The following DOCK9 variants were observed in gnomAD, a reference collection of about 807,000 sequenced individuals.
DOCK9 encodes dedicator of cytokinesis 9.
In DOCK9, 89 loss-of-function variants were observed where a neutral mutation model predicts 263.3. That is an observed-to-expected ratio of 0.34 (90% CI 0.28 to 0.40). The LOEUF is 0.40. Ranked by LOEUF, DOCK9 falls within the 10% of genes least tolerant of loss-of-function variation. The pLI, the probability that DOCK9 is intolerant of heterozygous loss-of-function variation, is 1.00. For missense variants in DOCK9, 2,140 were observed against 2,603.4 expected (o/e 0.82, Z 3.87); for synonymous variants, 976 against 973.1 (o/e 1.00, Z -0.06).
In DOCK9 at chr13:98,939,627, C is replaced by G. The variant is rs73564804; in HGVS notation, c.244-9370G>C. On this transcript the variant is annotated intron_variant, in intron 2 of 52. Transcript: ENST00000682017. ...CAATATGCAGAGCTCAGGAGACGGA[C>G]GGACCTGGATGCAGCCAAAAAGCAA... Among the ~76,000 whole-genome samples, 775 of 152,298 alleles carry G rather than the reference C, an allele frequency of 5.1e-3. 7 individuals are homozygous for G. Among genetic ancestry groups the G allele is most frequent in the African/African-American group, 0.017 (714 of 41,562 alleles).
intron 34 of DOCK9, chr13:98,854,789 G>C (rs1210553722): frequency 6.6e-6 from 1 of 152,180 alleles, no homozygotes; most frequent in African/African-American, 2.4e-5. Flanking sequence ...AATACGTCAT[G>C]ACACACCCAA....
upstream of DOCK9, chr13:98,978,176 A>G (rs752934739): frequency 3.2e-5 from 37 of 1,171,428 alleles, no homozygotes; most frequent in Non-Finnish European, 4.0e-5. Context: ...CAAGCTGAAC[A>G]ATACACAGTG....
rs71114576 is a variant in DOCK9 at position 99,060,062 on chromosome 13, C to CTTTTTTTTTTTT, written c.129+26149_129+26160dup. ...AGTTACAGACATTTGATTGTTTCTA[C>CTTTTTTTTTTTT]TTTTTTTTTTTTTTTTTTTTTTTTT... On this transcript the variant is annotated intron_variant, in intron 1 of 32. Coordinates refer to the DOCK9 transcript ENST00000427887. Among the ~76,000 whole-genome samples, 33 of 61,458 alleles carry CTTTTTTTTTTTT rather than the reference C, an allele frequency of 5.4e-4. 8 individuals are homozygous for CTTTTTTTTTTTT. Among genetic ancestry groups the CTTTTTTTTTTTT allele is most frequent in the African/African-American group, 2.5e-3 (31 of 12,596 alleles). 40.3% of individuals were successfully genotyped at this position (61,458 alleles called of 152,430 possible).
chr13:99,053,782 C>T (rs1286631640), intron 1 of DOCK9, among the ~76,000 whole-genome samples: 1 of 152,144 alleles, frequency 6.6e-6, no homozygotes, highest in Non-Finnish European at 1.5e-5. Flanking sequence ...GGCCTGGGCC[C>T]ATCAGATAGC....
intron 28 of DOCK9, 85 bp from the exon 29 acceptor site, chr13:98,868,096 G>A (rs1435788550): frequency 6.5e-7 from 1 of 1,531,156 alleles, no homozygotes; most frequent in Non-Finnish European, 9.0e-7. Context: ...TTGCTAATAA[G>A]TTTATCCACT....
rs1303411024 is a variant in DOCK9 at position 98,831,741 on chromosome 13, C to CTT, written c.4358_4359dup (p.Val1454LysfsTer19). On this transcript the variant is annotated frameshift_variant, in exon 40 of 53. Coordinates refer to ENST00000682017, the MANE Select transcript of DOCK9 (RefSeq NM_001366683.2). LOFTEE classifies it high-confidence loss of function. ...AGAAAACACAGGTAGACATCAAAAA[C>CTT]TTTTTTCATGAGAGGATTATGTCCA... 1 of 1,613,826 alleles carries CTT rather than the reference C, an allele frequency of 6.2e-7. No homozygotes were observed. The highest frequency in any genetic ancestry group is 1.7e-5 in the Admixed American group (1 of 59,988).
Position 98,940,698 on chromosome 13 carries a change from T to C in DOCK9, c.244-10441A>G, listed in dbSNP as rs2055685758. On this transcript the variant is annotated intron_variant, in intron 2 of 52. Transcript: ENST00000682017. ...GGGGGGCCTTCTCTGCCTCTCTAAC[T>C]GCTCCTCTTCACTGGCACCTGCATG... is the stretch of plus-strand genomic sequence containing the variant. Among the ~76,000 whole-genome samples the C allele has an allele frequency of 3.4e-5, 3 of 88,098 alleles. No individual in the cohort carries two copies. The South Asian group carries it at 1.2e-3, about 36-fold the overall frequency. The allele number at this position is 88,098 out of a possible 152,430, so 57.8% of individuals were successfully genotyped here. A position where few individuals can be genotyped will look rare whatever the true frequency, so the allele number is the denominator to read the frequency against.
intron 1 of DOCK9, among the ~76,000 whole-genome samples, chr13:98,986,040 T>G (rs932201101): frequency 6.6e-6 from 1 of 152,244 alleles, no homozygotes; most frequent in South Asian, 2.1e-4. Flanking sequence ...TGATCAAAAC[T>G]TTTTAAAAAG....
At chr13:98,898,090 T>C in intron 14 of DOCK9, 89 bp downstream of exon 14, 6 of 900,312 alleles carry the variant, frequency 6.7e-6, no homozygotes, top group Non-Finnish European at 1.0e-5. Context: ...CAAATCCTCT[T>C]TGTCTCTGAA....
chr13:98,848,025 T>A (rs2093441505), intron 37 of DOCK9, among the ~76,000 whole-genome samples: 2 of 152,250 alleles, frequency 1.3e-5, no homozygotes, highest in South Asian at 4.1e-4. Flanking sequence ...ACCAGGGAGT[T>A]CTGGCCAAGA....
At chr13:98,867,887 T>C (rs368023171) in intron 29 of DOCK9, 41 bp downstream of exon 29, 10 of 1,529,876 alleles carry the variant, frequency 6.5e-6, no homozygotes, top group Non-Finnish European at 9.0e-6. Context: ...AGAGAAAGGC[T>C]ACATGGTGAC....
At chr13:99,028,234 A>G (rs988425418) in intron 1 of DOCK9, among the ~76,000 whole-genome samples, 1 of 152,208 alleles carries the variant, frequency 6.6e-6, no homozygotes, top group African/African-American at 2.4e-5. Context: ...CTTAGCCAAG[A>G]GGCCAGTGAG....
intron 49 of DOCK9, among the ~76,000 whole-genome samples, chr13:98,803,482 G>A (rs991073503): frequency 6.6e-6 from 1 of 152,204 alleles, no homozygotes; most frequent in Non-Finnish European, 1.5e-5. Flanking sequence ...GCTGGGCCCC[G>A]CCCCCAGAGT....
intron 2 of DOCK9, among the ~76,000 whole-genome samples, chr13:98,937,493 A>C (rs6491469): frequency 6.6e-6 from 1 of 152,000 alleles, no homozygotes; most frequent in Admixed American, 6.5e-5. Flanking sequence ...TTTTCAGTCA[A>C]TATTATTACT....
chr13:99,030,644 C>T (rs1222038290), intron 1 of DOCK9, among the ~76,000 whole-genome samples: 1 of 152,194 alleles, frequency 6.6e-6, no homozygotes, highest in Non-Finnish European at 1.5e-5. Flanking sequence ...TTAGGAATGC[C>T]TCTTAATAGT....
In DOCK9 at chr13:98,862,976, G is replaced by A. The variant is rs199666071; in HGVS notation, c.3579+43C>T. ...TATGGCGCTTTGTCCTGGCTTCCCC[G>A]GGACCTGATATAGGCTGAGTTAATG... On this transcript the variant is annotated intron_variant, in intron 32 of 52. Transcript: ENST00000682017. 798 of 1,527,358 alleles carry A rather than the reference G, an allele frequency of 5.2e-4. 7 individuals are homozygous for A. In the Admixed American group the frequency reaches 0.015, roughly 28 times the overall value. 94.6% of individuals were successfully genotyped at this position (1,527,358 alleles called of 1,614,324 possible). A position where few individuals can be genotyped will look rare whatever the true frequency, so the allele number is the denominator to read the frequency against.
chr13:98,891,274 G>C lies in DOCK9; in HGVS notation c.1710-2563C>G, dbSNP rs9513506. On this transcript the variant is annotated intron_variant, in intron 15 of 52. Transcript: ENST00000682017. ...ACCTTCAGACAGGGGGTTTTATGAA[G>C]GTATCAATTTTCTTGACATACGGTG... Among the ~76,000 whole-genome samples, 1,324 of 152,218 alleles carry C rather than the reference G, an allele frequency of 8.7e-3. 18 individuals carry two copies. The highest frequency in any genetic ancestry group is 0.054 in the Middle Eastern group (16 of 294).
At chr13:98,850,457 C>G (rs1377945932) in intron 35 of DOCK9, among the ~76,000 whole-genome samples, 1 of 152,214 alleles carries the variant, frequency 6.6e-6, no homozygotes, top group African/African-American at 2.4e-5. Context: ...TAAAGCCGGG[C>G]TCTCTTGTCT....
intron 27 of DOCK9, among the ~76,000 whole-genome samples, chr13:98,872,408 G>GT (rs2094211191): frequency 1.9e-5 from 2 of 105,908 alleles, no homozygotes; most frequent in South Asian, 3.2e-4. Context: ...TTTTGTTTTT[G>GT]TTTTTTGTTT....
Sources: gnomAD v4.1 joint callset for allele counts (sites outside exome capture counted in the v4.1 genomes callset) on GRCh38, gnomAD v4.1.1 for gene constraint, MANE v1.5 for transcripts, NCBI Gene and HGNC (gene_info 2026-07-23, HGNC 2026-07-21) for gene names.